The following CRY1 variants were observed in gnomAD, a reference collection of about 807,000 sequenced individuals.
The protein encoded by CRY1 is cryptochrome circadian regulator 1.
In CRY1, 45 loss-of-function variants were observed where a neutral mutation model predicts 76.0. The observed-to-expected ratio is 0.59, with a 90% CI of 0.47 to 0.76. The LOEUF (loss-of-function observed/expected upper bound fraction) is 0.76, where lower values mean the gene tolerates loss of function less well. Among genes scored for constraint, CRY1 ranks in the 30% least tolerant of loss-of-function variants. The pLI, the probability that CRY1 is intolerant of heterozygous loss-of-function variation, is 0.00. For synonymous variants in CRY1, 248 were observed against 244.0 expected (o/e 1.02, Z -0.15); for missense variants, 587 against 716.4 (o/e 0.82, Z 2.06).
At chr12:107,046,075 C>T (rs1188279543) in intron 1 of CRY1, among the ~76,000 whole-genome samples, 3 of 150,994 alleles carry the variant, frequency 2.0e-5, no homozygotes, top group East Asian at 1.9e-4. Flanking sequence ...TGCAGTGAGC[C>T]GAGATTGCAC....
At chr12:107,041,752 C>T (rs1204333028) in intron 1 of CRY1, among the ~76,000 whole-genome samples, 1 of 120,010 alleles carries the variant, frequency 8.3e-6, no homozygotes, top group Non-Finnish European at 1.6e-5. Flanking sequence ...TAGATGAATT[C>T]AAGTTTTTCA....
At position 106,998,659 on chromosome 12, in the gene CRY1, A is replaced by AACACACACACACACACAC. The variant is rs10522970; in HGVS notation, c.1138-611_1138-594dup. Among the ~76,000 whole-genome samples, 1,373 of 143,404 alleles carry AACACACACACACACACAC rather than the reference A, an allele frequency of 9.6e-3. 12 individuals are homozygous for AACACACACACACACACAC. Among genetic ancestry groups the AACACACACACACACACAC allele is most frequent in the African/African-American group, 0.026 (988 of 37,444 alleles). The allele number at this position is 143,404 out of a possible 152,430, so 94.1% of individuals were successfully genotyped here. A position where few individuals can be genotyped will look rare whatever the true frequency, so the allele number is the denominator to read the frequency against. On this transcript the variant is annotated intron_variant, in intron 7 of 12. Coordinates refer to ENST00000008527, the MANE Select transcript of CRY1 (RefSeq NM_004075.5). ...GTGTACTAGGAAATATAAGAGATTA[A>AACACACACACACACACAC]ACACACACACACACACACACACACA...
At chr12:107,012,438 T>C in intron 2 of CRY1, among the ~76,000 whole-genome samples, 1 of 152,214 alleles carries the variant, frequency 6.6e-6, no homozygotes, top group East Asian at 1.9e-4. Flanking sequence ...AAGCTCTCTG[T>C]TGAGACCTAC....
intron 1 of CRY1, among the ~76,000 whole-genome samples, chr12:107,041,397 C>A (rs921160983): frequency 6.6e-6 from 1 of 152,158 alleles, no homozygotes; most frequent in African/African-American, 2.4e-5. Flanking sequence ...TAATCTGGGT[C>A]TTTTTATATC....
chr12:107,079,418 C>T (rs1953295996), intron 1 of CRY1, among the ~76,000 whole-genome samples: 1 of 146,094 alleles, frequency 6.8e-6, no homozygotes, highest in Admixed American at 6.8e-5. Context: ...GAAATGTGAT[C>T]CTGGTAACAT....
chr12:107,011,452 T>C (rs1383831324), intron 2 of CRY1, among the ~76,000 whole-genome samples: 1 of 151,828 alleles, frequency 6.6e-6, no homozygotes, highest in Non-Finnish European at 1.5e-5. Flanking sequence ...GGAAAAGTTC[T>C]TGAAGGAAAT....
rs1226320791 is a variant in CRY1, at chr12:106,999,879, A to G, written c.826-17T>C. ...CTTCTTTACCTATGGTTAAAAAGCA[A>G]AGAAGTATTATCAGAATTTTTTTTT... On this transcript the variant is annotated splice_polypyrimidine_tract_variant and intron_variant, in intron 6 of 12. Coordinates refer to ENST00000008527, the MANE Select transcript of CRY1 (RefSeq NM_004075.5). 6.3e-7 allele frequency: 1 copy of G among 1,595,564 alleles called. No individual in the cohort carries two copies. Among genetic ancestry groups the G allele is most frequent in the South Asian group, 1.1e-5 (1 of 87,204 alleles).
At chr12:107,007,134 C>T (rs113143938) in intron 2 of CRY1, among the ~76,000 whole-genome samples, 1,710 of 152,186 alleles carry the variant, frequency 0.011, 44 homozygotes, top group African/African-American at 0.039. Context: ...TTTGTTAGTA[C>T]GAACTTGCTA....
intron 10 of CRY1, among the ~76,000 whole-genome samples, chr12:106,996,031 C>T (rs983319869): frequency 8.5e-5 from 13 of 152,052 alleles, no homozygotes; most frequent in African/African-American, 1.2e-4. Flanking sequence ...TTAGTAGAGA[C>T]GGGGGTTTCT....
At chr12:107,011,244 G>T (rs796308350) in intron 2 of CRY1, among the ~76,000 whole-genome samples, 1 of 152,136 alleles carries the variant, frequency 6.6e-6, no homozygotes, top group African/African-American at 2.4e-5. Context: ...CAGCTACTCG[G>T]GAGGCTGAGG....
rs1430453857 is a variant in CRY1 at position 107,092,830 on chromosome 12, G to C, written c.132C>G (p.Ser44=). The C allele has an allele frequency of 6.2e-7, 1 of 1,611,658 alleles. No homozygotes were observed. Among genetic ancestry groups the C allele is most frequent in the South Asian group, 1.1e-5 (1 of 90,810 alleles). ...VYILDPWFAG[S]SNVGINRWRF... is the part of the protein sequence containing the mutation. ...GCCACCTGTTGATGCCCACATTGGA[G>C]GAGCCGGCGAACCAGGGGTCCAGGA... Residue 44 remains serine, a synonymous_variant, in exon 1 of 13, where the codon TCC becomes TCG. Transcript: ENST00000008527.
intron 2 of CRY1, among the ~76,000 whole-genome samples, chr12:107,011,249 C>T (rs1952440250): frequency 6.6e-6 from 1 of 152,000 alleles, no homozygotes. Flanking sequence ...ACTCGGGAGG[C>T]TGAGGCAGGA....
chr12:106,996,330 C>G (rs985961139), intron 10 of CRY1, among the ~76,000 whole-genome samples: 1 of 152,222 alleles, frequency 6.6e-6, no homozygotes, highest in African/African-American at 2.4e-5. Flanking sequence ...CATAGTATTT[C>G]ATGGTACATA....
At position 107,093,269 on chromosome 12, in the gene CRY1, G is replaced by A. The variant is rs3809236; in HGVS notation, c.-308C>T. The A allele has an allele frequency of 0.1, 31,577 of 307,566 alleles. 3,349 individuals carry two copies. Among genetic ancestry groups the A allele is most frequent in the African/African-American group, 0.32 (14,662 of 46,094 alleles). The allele number at this position is 307,566 out of a possible 1,614,324, so 19.1% of individuals were successfully genotyped here. ...CGAGGGCCTCGGACCTCCGGAGCCTGAGCAAGTTCCAGGAGCTCGAGCCGC... is the reference window on the plus strand; with the variant it reads ...CGAGGGCCTCGGACCTCCGGAGCCTAAGCAAGTTCCAGGAGCTCGAGCCGC... On this transcript the variant is annotated 5_prime_UTR_variant, in exon 1 of 13. Coordinates refer to ENST00000008527, the MANE Select transcript of CRY1 (RefSeq NM_004075.5).
chr12:107,076,422 C>T (rs1953252708), intron 1 of CRY1, among the ~76,000 whole-genome samples: 1 of 151,666 alleles, frequency 6.6e-6, no homozygotes, highest in Non-Finnish European at 1.5e-5. Flanking sequence ...ACTAGCCTGG[C>T]CAACATGGTG....
chr12:107,031,890 G>C (rs755652350), intron 1 of CRY1, among the ~76,000 whole-genome samples: 1 of 152,142 alleles, frequency 6.6e-6, no homozygotes, highest in Non-Finnish European at 1.5e-5. Flanking sequence ...GTGGAAATCT[G>C]AATAAAGTCT....
chr12:107,025,582 AC>A (rs1182165079), intron 1 of CRY1, among the ~76,000 whole-genome samples: 2 of 152,188 alleles, frequency 1.3e-5, no homozygotes, highest in African/African-American at 2.4e-5. Flanking sequence ...GTTATCTATT[AC>A]TTTTTAGTGT....
intron 3 of CRY1, among the ~76,000 whole-genome samples, chr12:107,003,427 G>A (rs761120977): frequency 2.0e-5 from 3 of 152,152 alleles, no homozygotes; most frequent in African/African-American, 7.2e-5. Context: ...CCTACCAGGA[G>A]AGTTAAGTAA....
intron 1 of CRY1, among the ~76,000 whole-genome samples, chr12:107,024,216 A>G (rs941883870): frequency 1.9e-4 from 29 of 152,212 alleles, no homozygotes; most frequent in African/African-American, 6.8e-4. Context: ...GAACAGCAAG[A>G]GTTCTCCATA....
Sources: gnomAD v4.1 joint callset for allele counts (sites outside exome capture counted in the v4.1 genomes callset) on GRCh38, gnomAD v4.1.1 for gene constraint, MANE v1.5 for transcripts, NCBI Gene and HGNC (gene_info 2026-07-23, HGNC 2026-07-21) for gene names.